The following SNX29 variants were observed in gnomAD, a reference collection of about 807,000 sequenced individuals.
The protein encoded by SNX29 is sorting nexin 29.
In SNX29, 78 loss-of-function variants were observed where a neutral mutation model predicts 102.1. The ratio of observed to expected loss-of-function variants is 0.76; its 90% CI spans 0.64 to 0.92. SNX29 has a LOEUF of 0.92. SNX29 is among the 40% of genes least tolerant of loss of function. SNX29 has a pLI of 0.00. For synonymous variants in SNX29, 580 were observed against 414.5 expected, an observed-to-expected ratio of 1.40 and a Z score of -4.85; for missense variants, 1,280 against 1,061.7, an observed-to-expected ratio of 1.21 and a Z score of -2.86.
In SNX29 at chr16:12,144,016, G is replaced by A. The variant is rs1366921293; in HGVS notation, c.1595+14258G>A. Among the ~76,000 whole-genome samples the A allele has an allele frequency of 3.9e-5, 6 of 152,240 alleles. No individual in the cohort carries two copies. The East Asian group carries it at 9.7e-4, about 25-fold the overall frequency. On this transcript the variant is annotated intron_variant, in intron 13 of 20. Transcript: ENST00000566228. ...ACCTTAATGTACCCACGAAACACCC[G>A]GGGCTCAGGTTAGAGATTAAATTCT...
chr16:12,335,271 G>T (rs1201877463), intron 15 of SNX29, among the ~76,000 whole-genome samples: 1 of 152,058 alleles, frequency 6.6e-6, no homozygotes, highest in East Asian at 1.9e-4. Flanking sequence ...ATCCAGACTT[G>T]GAAAAGATTC....
chr16:12,108,484 G>C (rs779090202), intron 11 of SNX29, among the ~76,000 whole-genome samples: 3 of 152,338 alleles, frequency 2.0e-5, no homozygotes, highest in Non-Finnish European at 4.4e-5. Context: ...TGAACCTTTT[G>C]AGTCTTGGAG....
intron 3 of SNX29, among the ~76,000 whole-genome samples, chr16:12,025,751 A>G (rs1160281634): frequency 1.3e-5 from 2 of 152,226 alleles, no homozygotes; most frequent in Non-Finnish European, 2.9e-5. Flanking sequence ...TGTGTAGTGT[A>G]GACAGAATGA....
Position 12,003,020 on chromosome 16 carries a change from G to T in SNX29, c.99G>T (p.Glu33Asp). ...QCQIRFGGRK[E>D]IASDSDSRVT... ...AGATCCGCTTTGGAGGGAGAAAGGA[G>T]ATTGCCTCGGATTCCGACAGCAGGT... Residue 33 changes from glutamate (E) to aspartate (D), a missense_variant, in exon 3 of 21, where the codon GAG (glutamate) becomes GAT (aspartate). Transcript: ENST00000566228. 6.2e-7 allele frequency: 1 copy of T among 1,614,206 alleles called. No homozygotes were observed. The highest frequency in any genetic ancestry group is 1.1e-5 in the South Asian group (1 of 91,088).
Position 12,193,237 on chromosome 16 carries a change from A to G in SNX29, c.1596-6364A>G, listed in dbSNP as rs530525328. The stretch of plus-strand genomic sequence containing the variant: ...AGCATTCCATTACTTACATTCCACT[A>G]CAGGAGTTTGTAATTCCATTACAAG... On this transcript the variant is annotated intron_variant, in intron 13 of 20. Transcript: ENST00000566228. Among the ~76,000 whole-genome samples the G allele has an allele frequency of 2.6e-5, 4 of 152,312 alleles. No homozygotes were observed. In the East Asian group the frequency reaches 5.8e-4, roughly 22 times the overall value.
At chr16:12,090,967 A>T (rs1013081028) in intron 11 of SNX29, among the ~76,000 whole-genome samples, 8 of 144,234 alleles carry the variant, frequency 5.5e-5, no homozygotes, top group African/African-American at 2.1e-4. Context: ...GTGAGACAAG[A>T]TCACACCACT....
At chr16:12,183,673 G>A (rs1393395497) in intron 13 of SNX29, among the ~76,000 whole-genome samples, 3 of 152,184 alleles carry the variant, frequency 2.0e-5, no homozygotes, top group Non-Finnish European at 4.4e-5. Context: ...CTGGAATAGG[G>A]GCTGGGTAGA....
chr16:12,104,023 C>G (rs538649665), intron 11 of SNX29, among the ~76,000 whole-genome samples: 1 of 152,164 alleles, frequency 6.6e-6, no homozygotes, highest in Non-Finnish European at 1.5e-5. Flanking sequence ...GACCTATACT[C>G]GATTCAGTTT....
intron 18 of SNX29, among the ~76,000 whole-genome samples, chr16:12,415,157 C>T (rs1567540208): frequency 6.6e-6 from 1 of 152,238 alleles, no homozygotes; most frequent in Non-Finnish European, 1.5e-5. Flanking sequence ...TGCTTGTGTG[C>T]CCTGGGAGCA....
intron 20 of SNX29, among the ~76,000 whole-genome samples, chr16:12,555,159 G>A (rs553653670): frequency 5.9e-5 from 9 of 152,012 alleles, no homozygotes; most frequent in African/African-American, 1.9e-4. Flanking sequence ...GAGTGACAGG[G>A]TCTGGCATCA....
At chr16:12,172,213 G>A (rs990302039) in intron 13 of SNX29, among the ~76,000 whole-genome samples, 1 of 152,128 alleles carries the variant, frequency 6.6e-6, no homozygotes, top group Non-Finnish European at 1.5e-5. Context: ...AGTAGGCCAC[G>A]TATGTTTCTG....
intron 14 of SNX29, among the ~76,000 whole-genome samples, chr16:12,207,532 G>A (rs1343023460): frequency 1.3e-5 from 2 of 152,120 alleles, no homozygotes; most frequent in East Asian, 3.9e-4. Flanking sequence ...GACCCTTCCT[G>A]TTCCACCGCA....
intron 20 of SNX29, among the ~76,000 whole-genome samples, chr16:12,525,566 C>A (rs909586848): frequency 1.3e-5 from 2 of 152,008 alleles, no homozygotes; most frequent in East Asian, 3.9e-4. Flanking sequence ...GTGGCAGGCG[C>A]CTGTAGTCCC....
At chr16:12,251,596 G>A (rs967971654) in intron 14 of SNX29, among the ~76,000 whole-genome samples, 2 of 152,054 alleles carry the variant, frequency 1.3e-5, no homozygotes, top group South Asian at 2.1e-4. Context: ...CCAGCTACTC[G>A]GGAGGCTGAG....
rs555930748 is a variant in SNX29, at chr16:12,314,631, G to C, written c.1782+36595G>C. 4.6e-5 allele frequency among the ~76,000 whole-genome samples: 7 copies of C among 152,356 alleles called. No individual in the cohort carries two copies. In the South Asian group the frequency reaches 1.0e-3, roughly 23 times the overall value. Reference sequence around the variant, plus strand: ...TAAGTCTTTATTTTAAAAACTTAAAGCTGTTTCTTCAGCATCTTCTTTCCT... The same window carrying C: ...TAAGTCTTTATTTTAAAAACTTAAACCTGTTTCTTCAGCATCTTCTTTCCT... On this transcript the variant is annotated intron_variant, in intron 15 of 20. Transcript: ENST00000566228.
chr16:12,271,916 C>T (rs149642810), intron 14 of SNX29, among the ~76,000 whole-genome samples: 372 of 152,282 alleles, frequency 2.4e-3, no homozygotes, highest in Non-Finnish European at 3.8e-3. Flanking sequence ...AACCACTGTG[C>T]CCTGCCTGGG....
chr16:12,487,760 CAG>C (rs1438737905), intron 19 of SNX29, among the ~76,000 whole-genome samples: 2 of 152,208 alleles, frequency 1.3e-5, no homozygotes, highest in African/African-American at 4.8e-5. Context: ...TAGGGCTCCA[CAG>C]AGAAATTTGG....
At chr16:12,376,804 C>T (rs1230153241) in intron 16 of SNX29, among the ~76,000 whole-genome samples, 1 of 151,152 alleles carries the variant, frequency 6.6e-6, no homozygotes, top group Non-Finnish European at 1.5e-5. Context: ...TCACCCTGGC[C>T]TCTTCTTCAA....
At chr16:12,062,661 G>A (rs148804977) in intron 9 of SNX29, among the ~76,000 whole-genome samples, 33 of 152,198 alleles carry the variant, frequency 2.2e-4, no homozygotes, top group African/African-American at 7.2e-4. Flanking sequence ...CTTCTTAGGC[G>A]CCTCCTCGTT....
Sources: gnomAD v4.1 joint callset for allele counts (sites outside exome capture counted in the v4.1 genomes callset) on GRCh38, gnomAD v4.1.1 for gene constraint, MANE v1.5 for transcripts, NCBI Gene and HGNC (gene_info 2026-07-23, HGNC 2026-07-21) for gene names.